The following MDGA2 variants were observed in gnomAD, a reference collection of about 807,000 sequenced individuals.
MDGA2 encodes the protein MAM domain containing glycosylphosphatidylinositol anchor 2, also known as MAM domain-containing glycosylphosphatidylinositol anchor protein 2.
In MDGA2, 40 loss-of-function variants were observed where a neutral mutation model predicts 117.8. The observed-to-expected ratio is 0.34, with a 90% CI of 0.26 to 0.44. The LOEUF (loss-of-function observed/expected upper bound fraction) is 0.44. Ranked by LOEUF, MDGA2 falls within the 20% of genes least tolerant of loss-of-function variation. The pLI, the probability that MDGA2 is intolerant of heterozygous loss-of-function variation, is 1.00. For missense variants in MDGA2, 1,123 were observed against 1,250.6 expected, an observed-to-expected ratio of 0.90 and a Z score of 1.54; for synonymous variants, 452 against 439.0, an observed-to-expected ratio of 1.03 and a Z score of -0.37.
chr14:47,542,823 C>G (rs1220383800), intron 1 of MDGA2, among the ~76,000 whole-genome samples: 1 of 152,106 alleles, frequency 6.6e-6, no homozygotes, highest in African/African-American at 2.4e-5. Context: ...AATTAACAAG[C>G]AATAATTGCT....
chr14:47,518,576 AC>A (rs962518570), intron 1 of MDGA2, among the ~76,000 whole-genome samples: 1 of 152,208 alleles, frequency 6.6e-6, no homozygotes, highest in African/African-American at 2.4e-5. Flanking sequence ...TTGCCAAAAA[AC>A]ATTTTGTTAT....
intron 10 of MDGA2, among the ~76,000 whole-genome samples, chr14:46,885,003 C>A (rs1327731677): frequency 6.6e-6 from 1 of 151,898 alleles, no homozygotes; most frequent in Non-Finnish European, 1.5e-5. Flanking sequence ...TCCACAACCA[C>A]GCCTGGCTAA....
At chr14:47,172,471 G>C (rs530233851) in intron 3 of MDGA2, among the ~76,000 whole-genome samples, 12 of 152,120 alleles carry the variant, frequency 7.9e-5, no homozygotes, top group Non-Finnish European at 1.3e-4. Context: ...AACGATCAGA[G>C]AGCAGCATTC....
intron 8 of MDGA2, among the ~76,000 whole-genome samples, chr14:46,976,165 T>C (rs1165972375): frequency 2.0e-5 from 3 of 152,172 alleles, no homozygotes; most frequent in Non-Finnish European, 2.9e-5. Flanking sequence ...ATTAGGAATG[T>C]ATTAATTCCA....
intron 8 of MDGA2, among the ~76,000 whole-genome samples, chr14:47,012,640 C>T (rs1887934256): frequency 6.6e-6 from 1 of 151,992 alleles, no homozygotes; most frequent in Non-Finnish European, 1.5e-5. Flanking sequence ...GTGAGTGTTC[C>T]ACAAATACTG....
At chr14:47,040,433 A>T (rs1335595701) in intron 7 of MDGA2, among the ~76,000 whole-genome samples, 1 of 152,178 alleles carries the variant, frequency 6.6e-6, no homozygotes, top group Non-Finnish European at 1.5e-5. Context: ...TTAAAATGTT[A>T]ATTCAATCTA....
intron 9 of MDGA2, among the ~76,000 whole-genome samples, chr14:46,935,031 T>TAAA (rs1442112105): frequency 1.4e-5 from 2 of 139,954 alleles, no homozygotes; most frequent in Admixed American, 1.4e-4. Context: ...GTGTCAGAAT[T>TAAA]TAAAAAAAAA....
At chr14:47,059,010 A>G (rs1889782989) in intron 7 of MDGA2, 1 of 999,386 alleles carries the variant, frequency 1.0e-6, no homozygotes, top group African/African-American at 1.7e-5. Context: ...TGGGAGTGAT[A>G]AAACATTAAG....
At chr14:47,380,933 C>G (rs12891610) in intron 1 of MDGA2, among the ~76,000 whole-genome samples, 1 of 152,048 alleles carries the variant, frequency 6.6e-6, no homozygotes, top group African/African-American at 2.4e-5. Context: ...ACCAATATCC[C>G]TGATGAACAC....
intron 4 of MDGA2, among the ~76,000 whole-genome samples, chr14:47,141,617 G>A (rs558828549): frequency 7.7e-4 from 117 of 152,222 alleles, no homozygotes; most frequent in Non-Finnish European, 1.5e-3. Context: ...AATAATTAAG[G>A]TACAGAAAGA....
chr14:47,137,797 A>G (rs1487821531), intron 4 of MDGA2, among the ~76,000 whole-genome samples: 3 of 152,220 alleles, frequency 2.0e-5, no homozygotes, highest in Non-Finnish European at 2.9e-5. Flanking sequence ...TGATTTCCCA[A>G]TGGTTCAGCT....
rs1404017092 is a variant in MDGA2, at chr14:47,155,910, T to C, written c.596-11636A>G. On this transcript the variant is annotated intron_variant, in intron 3 of 16. Coordinates refer to ENST00000399232, the MANE Select transcript of MDGA2 (RefSeq NM_001113498.3). ...CTTCTTTTTTTTTTTTTTTTTTTTTTTTTTTTTTTTTTTTTTTTTTTGAGA... is the reference window on the plus strand; with the variant it reads ...CTTCTTTTTTTTTTTTTTTTTTTTTCTTTTTTTTTTTTTTTTTTTTTGAGA... 4.6e-4 allele frequency among the ~76,000 whole-genome samples: 30 copies of C among 65,688 alleles called. 2 individuals are homozygous for C. The highest frequency in any genetic ancestry group is 4.9e-4 in the Non-Finnish European group (16 of 32,712). 43.1% of individuals were successfully genotyped at this position (65,688 alleles called of 152,430 possible).
intron 8 of MDGA2, among the ~76,000 whole-genome samples, chr14:46,983,217 A>G (rs1886748556): frequency 6.6e-6 from 1 of 152,162 alleles, no homozygotes; most frequent in Non-Finnish European, 1.5e-5. Flanking sequence ...TGGTTAAAGG[A>G]GCATTACAAA....
At chr14:47,335,745 T>TATATATATACACACATAC in intron 1 of MDGA2, among the ~76,000 whole-genome samples, 1 of 95,554 alleles carries the variant, frequency 1.0e-5, no homozygotes, top group African/African-American at 4.3e-5. Context: ...TATATATATA[T>TATATATATACACACATAC]ATACATACAT....
intron 1 of MDGA2, among the ~76,000 whole-genome samples, chr14:47,586,859 C>T (rs142069264): frequency 8.1e-6 from 1 of 124,186 alleles, no homozygotes; most frequent in African/African-American, 2.9e-5. Flanking sequence ...TCTGTCCAAG[C>T]ACTCTTTCAT....
At chr14:47,020,272 T>A (rs918403469) in intron 8 of MDGA2, among the ~76,000 whole-genome samples, 7 of 152,322 alleles carry the variant, frequency 4.6e-5, no homozygotes, top group African/African-American at 1.7e-4. Flanking sequence ...TTGAGAATTG[T>A]AAGATCAAGA....
chr14:47,428,012 T>C (rs992169262), intron 1 of MDGA2, among the ~76,000 whole-genome samples: 1 of 152,210 alleles, frequency 6.6e-6, no homozygotes, highest in Non-Finnish European at 1.5e-5. Context: ...AGCACATTTA[T>C]TGATCTTGCC....
At chr14:47,587,248 A>T (rs2138851722) in intron 1 of MDGA2, among the ~76,000 whole-genome samples, 1 of 152,020 alleles carries the variant, frequency 6.6e-6, no homozygotes, top group Admixed American at 6.6e-5. Flanking sequence ...GACCCATTTC[A>T]CAAGTTTACC....
intron 10 of MDGA2, among the ~76,000 whole-genome samples, chr14:46,886,813 C>A (rs755292965): frequency 2.9e-4 from 44 of 152,046 alleles, no homozygotes; most frequent in Admixed American, 6.6e-4. Flanking sequence ...TTGGCTACTC[C>A]TTATTTTCTT....
Sources: allele counts gnomAD v4.1 joint callset (sites outside exome capture counted in the v4.1 genomes callset), GRCh38; gene constraint gnomAD v4.1.1; transcripts MANE v1.5; gene names NCBI Gene and HGNC (gene_info 2026-07-23, HGNC 2026-07-21).